CIITA: variants seen among roughly 807,000 people sequenced by gnomAD.
The protein encoded by CIITA is MHC class II transactivator.
In CIITA, 72 loss-of-function variants were observed where a neutral mutation model predicts 115.1. The ratio of observed to expected loss-of-function variants is 0.63; its 90% CI spans 0.52 to 0.76. The LOEUF (loss-of-function observed/expected upper bound fraction) is 0.76. Ranked by LOEUF, CIITA falls within the 30% of genes least tolerant of loss-of-function variation. The probability of loss-of-function intolerance (pLI) is 0.00; values close to 1 mark genes in which losing one functional copy is unlikely to be tolerated. For synonymous variants in CIITA, 763 were observed against 635.6 expected, an observed-to-expected ratio of 1.20 and a Z score of -3.02; for missense variants, 1,617 against 1,463.8, an observed-to-expected ratio of 1.10 and a Z score of -1.71.
chr16:10,877,512 G>A, intron 1 of CIITA, 130 bp downstream of exon 1: 1 of 961,598 alleles, frequency 1.0e-6, no homozygotes, highest in Admixed American at 2.0e-5. Context: ...GTGTCCTGCT[G>A]GGGCAGGCCA....
chr16:10,904,040 C>T lies in CIITA; in HGVS notation c.937+145C>T, dbSNP rs2038966182. 4.7e-6 allele frequency: 5 copies of T among 1,053,712 alleles called. No homozygotes were observed. In the South Asian group the frequency reaches 5.3e-5, roughly 11 times the overall value. The allele number at this position is 1,053,712 out of a possible 1,614,324, so 65.3% of individuals were successfully genotyped here. A position where few individuals can be genotyped will look rare whatever the true frequency, so the allele number is the denominator to read the frequency against. On this transcript the variant is annotated intron_variant, in intron 9 of 19. Transcript: ENST00000324288. The stretch of plus-strand genomic sequence containing the variant: ...GGGTCAGTCGGGACAGGGAGGGTCT[C>T]CAGGGAGTGGAGGCATGGTTGTGGG...
At chr16:10,867,328 G>GGT (rs1176828482) in intron 1 of CIITA, among the ~76,000 whole-genome samples, 1 of 151,432 alleles carries the variant, frequency 6.6e-6, no homozygotes, top group Non-Finnish European at 1.5e-5. Flanking sequence ...TGTGTTGGGG[G>GGT]GGGGCATGTG....
chr16:10,916,770 A>T, intron 15 of CIITA: 1 of 444,262 alleles, frequency 2.3e-6, no homozygotes, highest in South Asian at 2.3e-5. Context: ...CCATTCACTT[A>T]TGCAGTCATT....
chr16:10,917,334 C>T (rs764784867), intron 15 of CIITA, among the ~76,000 whole-genome samples: 7 of 152,052 alleles, frequency 4.6e-5, no homozygotes, highest in Non-Finnish European at 1.0e-4. Context: ...CACCACGTCC[C>T]GCTAATTTTT....
At chr16:10,918,583 G>A in intron 16 of CIITA, 57 bp downstream of exon 16, 5 of 1,486,938 alleles carry the variant, frequency 3.4e-6, no homozygotes, top group Non-Finnish European at 4.7e-6. Flanking sequence ...CAGAGCGCAG[G>A]GAACCCACAT....
Position 10,929,644 on chromosome 16 carries a change from G to T in CIITA, c.*5789G>T. 1.2e-6 allele frequency: 1 copy of T among 853,296 alleles called. No individual in the cohort carries two copies. Among genetic ancestry groups the T allele is most frequent in the Non-Finnish European group, 1.4e-6 (1 of 709,678 alleles). The allele number at this position is 853,296 out of a possible 1,614,324, so 52.9% of individuals were successfully genotyped here. On this transcript the variant is annotated 3_prime_UTR_variant, in exon 20 of 20. Transcript: ENST00000324288. The surrounding 1 kb of genome is among the most constrained non-coding windows in gnomAD (Gnocchi z 4.3). ...GCTGGGGACAGGGACCAATCCACCA[G>T]GCTCGGGAGGCTTGGGGTGGGGCAG...
chr16:10,870,808 T>G (rs1264575115), intron 1 of CIITA, among the ~76,000 whole-genome samples: 1 of 152,180 alleles, frequency 6.6e-6, no homozygotes, highest in African/African-American at 2.4e-5. Context: ...GTGCTTGGCA[T>G]TAGGTCGCAC....
At chr16:10,900,405 T>C (rs1337119256) in intron 5 of CIITA, among the ~76,000 whole-genome samples, 1 of 152,202 alleles carries the variant, frequency 6.6e-6, no homozygotes, top group Non-Finnish European at 1.5e-5. Context: ...TTTTCTTCTT[T>C]ATGTTTTCAT....
intron 9 of CIITA, among the ~76,000 whole-genome samples, chr16:10,904,314 C>T (rs554745350): frequency 6.6e-6 from 1 of 152,242 alleles, no homozygotes; most frequent in African/African-American, 2.4e-5. Context: ...CTCCGCCCTA[C>T]AGGTTCAAGT....
At chr16:10,904,489 G>A (rs2039000948) in intron 9 of CIITA, among the ~76,000 whole-genome samples, 1 of 152,176 alleles carries the variant, frequency 6.6e-6, no homozygotes, top group Non-Finnish European at 1.5e-5. Context: ...CCAAAGTGCT[G>A]GGATTACAGG....
At chr16:10,921,477 C>A (rs2040266344) in intron 16 of CIITA, among the ~76,000 whole-genome samples, 1 of 152,208 alleles carries the variant, frequency 6.6e-6, no homozygotes, top group Non-Finnish European at 1.5e-5. Context: ...AGAACCATAG[C>A]TAACATTTAG....
chr16:10,915,428 G>A, intron 13 of CIITA, 142 bp from the exon 14 acceptor site: 1 of 718,910 alleles, frequency 1.4e-6, no homozygotes, highest in Non-Finnish European at 2.5e-6. Flanking sequence ...GGGTTGCAGG[G>A]ACCTAAGAGG....
chr16:10,918,126 T>C (rs2040058905), intron 15 of CIITA, among the ~76,000 whole-genome samples: 1 of 152,176 alleles, frequency 6.6e-6, no homozygotes, highest in Non-Finnish European at 1.5e-5. Context: ...CAGAAAGGAT[T>C]ACACAGCCAT....
rs1013277293 is a variant in CIITA, at chr16:10,931,729, C to T, written c.*7874C>T. 7 of 152,200 alleles carry T rather than the reference C, an allele frequency of 4.6e-5. No homozygotes were observed. The highest frequency in any genetic ancestry group is 1.7e-4 in the African/African-American group (7 of 41,514). 9.4% of individuals were successfully genotyped at this position (152,200 alleles called of 1,614,324 possible). On this transcript the variant is annotated 3_prime_UTR_variant, in exon 20 of 20. Transcript: ENST00000324288. ...CGCGTCTCTACTAAAAACAAACAAA[C>T]AAAAATACAAAATTCGCTGGGCATG...
chr16:10,910,373 GC>G, intron 13 of CIITA, 114 bp downstream of exon 13: 1 of 922,470 alleles, frequency 1.1e-6, no homozygotes, highest in Non-Finnish European at 1.7e-6. Context: ...TTACCCTCTT[GC>G]CCACCACTTT....
intron 13 of CIITA, among the ~76,000 whole-genome samples, chr16:10,913,008 TC>T (rs1385246657): frequency 1.3e-5 from 2 of 152,208 alleles, no homozygotes; most frequent in East Asian, 3.8e-4. Context: ...ACAGAGTCCT[TC>T]CCCAGTTCAG....
Position 10,922,423 on chromosome 16 carries a change from T to C in CIITA, c.3250T>C (p.Phe1084Leu). Reference sequence around the variant, plus strand: ...TCTTGCCAGCGTCCAGTACAACAAGTTCACGGCTGCCGGGGCCCAGCAGCT... The same window carrying C: ...TCTTGCCAGCGTCCAGTACAACAAGCTCACGGCTGCCGGGGCCCAGCAGCT... ...LRVMDVQYNK[F>L]TAAGAQQLAA... Residue 1084 changes from phenylalanine to leucine, a missense_variant, in exon 18 of 20, where the codon TTC becomes CTC. By Grantham distance (22) the Phe-to-Leu change is conservative. Transcript: ENST00000324288. The C allele has an allele frequency of 6.2e-7, 1 of 1,614,194 alleles. No individual in the cohort carries two copies. The highest frequency in any genetic ancestry group is 8.5e-7 in the Non-Finnish European group (1 of 1,180,034).
chr16:10,872,686 G>A (rs769327165), upstream of CIITA, among the ~76,000 whole-genome samples: 1 of 152,192 alleles, frequency 6.6e-6, no homozygotes, highest in East Asian at 1.9e-4. Flanking sequence ...TGGATACATA[G>A]CAGTTGTATT....
chr16:10,901,615 G>A lies in CIITA; in HGVS notation c.481+57G>A, dbSNP rs2038762294. ...GGGTGGATGCCTTGGGGAGGGGATGGAAGAGATTGAACTCCTGGCCCAAGT... is the reference window on the plus strand; with the variant it reads ...GGGTGGATGCCTTGGGGAGGGGATGAAAGAGATTGAACTCCTGGCCCAAGT... On this transcript the variant is annotated intron_variant, in intron 6 of 19. Transcript: ENST00000324288. The surrounding 1 kb of genome is among the most constrained non-coding windows in gnomAD (Gnocchi z 6.8). The A allele has an allele frequency of 1.9e-6, 3 of 1,556,922 alleles. No individual in the cohort carries two copies. Among genetic ancestry groups the A allele is most frequent in the Non-Finnish European group, 2.6e-6 (3 of 1,134,974 alleles).
Sources: gnomAD v4.1 joint callset for allele counts (sites outside exome capture counted in the v4.1 genomes callset) on GRCh38, gnomAD v4.1.1 for gene constraint, Gnocchi (gnomAD v3.1) non-coding constraint, MANE v1.5 for transcripts, NCBI Gene and HGNC (gene_info 2026-07-23, HGNC 2026-07-21) for gene names.